The following VCL variants were observed in gnomAD, a reference collection of about 807,000 sequenced individuals.
The protein encoded by VCL is vinculin, also known as epididymis luminal protein 114.
A neutral mutation model predicts 125.7 loss-of-function variants in VCL; 47 were observed. The observed-to-expected ratio is 0.37, with a 90% CI of 0.30 to 0.48. The LOEUF (loss-of-function observed/expected upper bound fraction) is 0.48. VCL is among the 20% of genes least tolerant of loss of function. The pLI is 0.99. For missense variants in VCL, 1,069 were observed against 1,455.5 expected (o/e 0.73, Z 4.32); for synonymous variants, 458 against 514.6 (o/e 0.89, Z 1.49).
At chr10:74,027,840 TGG>T (rs1481390925) in intron 1 of VCL, 3 of 152,244 alleles carry the variant, frequency 2.0e-5, no homozygotes, top group African/African-American at 7.2e-5. Flanking sequence ...TTACTTCAGT[TGG>T]CATTTAATTT....
At chr10:74,046,871 T>A (rs1253682137) in intron 2 of VCL, among the ~76,000 whole-genome samples, 1 of 152,216 alleles carries the variant, frequency 6.6e-6, no homozygotes, top group Non-Finnish European at 1.5e-5. Context: ...TTCACAGACT[T>A]CTTTGGGGAC....
chr10:74,037,072 G>A (rs1337192974), intron 1 of VCL, among the ~76,000 whole-genome samples: 3 of 151,884 alleles, frequency 2.0e-5, no homozygotes, highest in Admixed American at 6.6e-5. Context: ...CACCACGCCC[G>A]GCTAATTTTT....
intron 10 of VCL, among the ~76,000 whole-genome samples, chr10:74,090,774 G>T (rs972652447): frequency 6.6e-6 from 1 of 151,854 alleles, no homozygotes; most frequent in Non-Finnish European, 1.5e-5. Flanking sequence ...ATATGGAAAA[G>T]GGGTATTTCC....
chr10:74,033,054 C>T (rs1428909127), intron 1 of VCL, among the ~76,000 whole-genome samples: 3 of 152,100 alleles, frequency 2.0e-5, no homozygotes, highest in African/African-American at 7.2e-5. Context: ...GAAATGAAAA[C>T]ATGTTCATAC....
intron 1 of VCL, among the ~76,000 whole-genome samples, chr10:74,014,862 A>G (rs946616471): frequency 2.6e-5 from 4 of 151,596 alleles, no homozygotes; most frequent in African/African-American, 9.7e-5. Flanking sequence ...TAATTTTTGT[A>G]TTTTTTGTAG....
chr10:74,019,802 C>T (rs1263789696), intron 1 of VCL, among the ~76,000 whole-genome samples: 2 of 152,166 alleles, frequency 1.3e-5, no homozygotes, highest in Non-Finnish European at 2.9e-5. Context: ...ATGGCTCACG[C>T]CTCTAATCCC....
intron 4 of VCL, 132 bp from the exon 5 acceptor site, chr10:74,072,597 TG>T (rs1425647250): frequency 8.8e-6 from 11 of 1,252,424 alleles, no homozygotes; most frequent in Admixed American, 3.8e-5. Context: ...AGTTCAGTGA[TG>T]GTGTCTGTTG....
At chr10:74,029,320 A>G (rs1325072179) in intron 1 of VCL, among the ~76,000 whole-genome samples, 1 of 150,202 alleles carries the variant, frequency 6.7e-6, no homozygotes, top group Non-Finnish European at 1.5e-5. Context: ...TCACTGTGTT[A>G]GCCAGGATGG....
intron 1 of VCL, among the ~76,000 whole-genome samples, chr10:74,041,434 A>G (rs1232054402): frequency 6.6e-6 from 1 of 152,212 alleles, no homozygotes; most frequent in Non-Finnish European, 1.5e-5. Context: ...AATTTTGAAG[A>G]AAGTGAATAT....
chr10:74,054,396 T>C (rs868300368), intron 2 of VCL, among the ~76,000 whole-genome samples: 1 of 152,246 alleles, frequency 6.6e-6, no homozygotes, highest in Non-Finnish European at 1.5e-5. Context: ...TTAGAATGAC[T>C]GTTGATAGAC....
intron 2 of VCL, among the ~76,000 whole-genome samples, chr10:74,062,929 G>T (rs956696559): frequency 3.9e-5 from 6 of 152,150 alleles, no homozygotes; most frequent in African/African-American, 1.4e-4. Flanking sequence ...GCCAGCTGTG[G>T]TGTGGTAGCA....
chr10:74,111,161 A>G (rs1840213028), intron 18 of VCL, among the ~76,000 whole-genome samples: 1 of 152,192 alleles, frequency 6.6e-6, no homozygotes, highest in African/African-American at 2.4e-5. Flanking sequence ...GAGGGGATAG[A>G]GAGCTGGTCT....
At chr10:74,116,681 C>T (rs1350754985) in intron 21 of VCL, among the ~76,000 whole-genome samples, 24 of 110,628 alleles carry the variant, frequency 2.2e-4, no homozygotes, top group East Asian at 1.0e-3. Flanking sequence ...AGTGAAACTC[C>T]GTCTCAAAAA....
chr10:74,095,679 G>C lies in VCL; in HGVS notation c.1567G>C (p.Val523Leu). 1 of 1,614,100 alleles carries C rather than the reference G, an allele frequency of 6.2e-7. No homozygotes were observed. Among genetic ancestry groups the C allele is most frequent in the East Asian group, 2.2e-5 (1 of 44,890 alleles). ...AGGTCAGGCTGCCATCCGGGGGCTT[G>C]TGGCCGAAGGGCATCGTCTGGCTAA... ...GVGQAAIRGLVAEGHRLANVM... is the reference protein window; with the variant it reads ...GVGQAAIRGLLAEGHRLANVM... Residue 523 changes from valine (V) to leucine (L), a missense_variant, in exon 12 of 22, where the codon GTG (valine) becomes CTG (leucine). By Grantham distance (32) the Val-to-Leu change is conservative. Transcript: ENST00000211998.
At chr10:74,009,231 G>A (rs11593071) in intron 1 of VCL, among the ~76,000 whole-genome samples, 15 of 27,258 alleles carry the variant, frequency 5.5e-4, no homozygotes, top group South Asian at 1.4e-3. Flanking sequence ...CCCCCCCCCC[G>A]AGCCATTTTA....
At chr10:74,114,524 G>C in intron 20 of VCL, 137 bp downstream of exon 20, 1 of 1,127,434 alleles carries the variant, frequency 8.9e-7, no homozygotes, top group Non-Finnish European at 1.3e-6. Flanking sequence ...GCACTTCACC[G>C]GGGACAGAAA....
At position 74,097,132 on chromosome 10, in the gene VCL, G is replaced by A. The variant is rs1839980829; in HGVS notation, c.1744-72G>A. 1 of 1,586,672 alleles carries A rather than the reference G, an allele frequency of 6.3e-7. No homozygotes were observed. Among genetic ancestry groups the A allele is most frequent in the Non-Finnish European group, 8.6e-7 (1 of 1,164,390 alleles). On this transcript the variant is annotated intron_variant, in intron 12 of 21. Coordinates refer to ENST00000211998, the MANE Select transcript of VCL (RefSeq NM_014000.3). The surrounding 1 kb of genome is among the most constrained non-coding windows in gnomAD (Gnocchi z 4.1). ...ACTGAATAGATGAATGAATGTCAGT[G>A]AAGTAAGGGCATTAGTAGATATGCT...
chr10:74,040,171 C>T (rs1458415392), intron 1 of VCL, among the ~76,000 whole-genome samples: 4 of 152,192 alleles, frequency 2.6e-5, no homozygotes, highest in Non-Finnish European at 5.9e-5. Context: ...ATTATAGCAT[C>T]ATTCTTACCA....
intron 19 of VCL, 34 bp from the exon 20 acceptor site, chr10:74,114,150 G>T: frequency 1.9e-6 from 3 of 1,610,870 alleles, no homozygotes; most frequent in Non-Finnish European, 2.5e-6. Context: ...CAGAGCGTGG[G>T]CAGAGCTCAC....
Sources: allele counts gnomAD v4.1 joint callset (sites outside exome capture counted in the v4.1 genomes callset), GRCh38; gene constraint gnomAD v4.1.1; non-coding constraint Gnocchi (gnomAD v3.1); transcripts MANE v1.5; gene names NCBI Gene and HGNC (gene_info 2026-07-23, HGNC 2026-07-21).